Variants in RABGAP1L observed in about 807,000 individuals in gnomAD.
RABGAP1L encodes the protein RAB GTPase activating protein 1 like, also known as rab GTPase-activating protein 1-like.
A neutral mutation model predicts 137.7 loss-of-function variants in RABGAP1L; 63 were observed. The observed-to-expected ratio is 0.46, with a 90% CI of 0.37 to 0.56. RABGAP1L has a LOEUF of 0.56. Among genes scored for constraint, RABGAP1L ranks in the 20% least tolerant of loss-of-function variants. The pLI, the probability that RABGAP1L is intolerant of heterozygous loss-of-function variation, is 0.00. For synonymous variants in RABGAP1L, 431 were observed against 433.7 expected (o/e 0.99, Z 0.08); for missense variants, 1,095 against 1,244.0 (o/e 0.88, Z 1.80).
At chr1:174,188,309 A>G (rs1666959342) in intron 1 of RABGAP1L, among the ~76,000 whole-genome samples, 1 of 152,232 alleles carries the variant, frequency 6.6e-6, no homozygotes, top group South Asian at 2.1e-4. Context: ...TCTCTAACAG[A>G]AATTATTTTG....
intron 13 of RABGAP1L, among the ~76,000 whole-genome samples, chr1:174,580,456 A>T (rs1404910454): frequency 1.3e-5 from 2 of 152,212 alleles, no homozygotes; most frequent in Non-Finnish European, 2.9e-5. Context: ...CAGCCATAAA[A>T]AATGATAAGT....
At chr1:174,736,116 A>C (rs1265277387) in intron 17 of RABGAP1L, among the ~76,000 whole-genome samples, 1 of 152,178 alleles carries the variant, frequency 6.6e-6, no homozygotes, top group Non-Finnish European at 1.5e-5. Flanking sequence ...TTCCAACATT[A>C]ACTCAAAAGT....
At chr1:174,585,672 C>G (rs942566177) in intron 13 of RABGAP1L, among the ~76,000 whole-genome samples, 5 of 152,222 alleles carry the variant, frequency 3.3e-5, no homozygotes, top group Non-Finnish European at 7.3e-5. Context: ...CCCTGATGCG[C>G]TAAGCATGTG....
At chr1:174,479,000 A>G (rs141386949) in intron 13 of RABGAP1L, among the ~76,000 whole-genome samples, 1 of 152,328 alleles carries the variant, frequency 6.6e-6, no homozygotes, top group Non-Finnish European at 1.5e-5. Flanking sequence ...GTTTGCCACA[A>G]TATCCTTAAA....
Position 174,250,501 on chromosome 1 carries a change from T to G in RABGAP1L, c.744T>G (p.Cys248Trp). ...TAAGCAGAATTTTGTACAGTTTCTGTACAGCATTCAAACGTTCTTCCAGAC... is the reference window on the plus strand; with the variant it reads ...TAAGCAGAATTTTGTACAGTTTCTGGACAGCATTCAAACGTTCTTCCAGAC... Reference protein sequence around the residue: ...EAVSRILYSFCTAFKRSSRQV... With the variant: ...EAVSRILYSFWTAFKRSSRQV... The change falls in exon 6 of 26, where the codon TGT (cysteine) becomes TGG (tryptophan). Residue 248 changes from cysteine to tryptophan, a missense_variant. Cys to Trp is a radical substitution (Grantham distance 215). Coordinates refer to ENST00000681986, the MANE Select transcript of RABGAP1L (RefSeq NM_001366446.1). The G allele has an allele frequency of 6.2e-7, 1 of 1,613,470 alleles. No individual in the cohort carries two copies. Among genetic ancestry groups the G allele is most frequent in the Non-Finnish European group, 8.5e-7 (1 of 1,179,592 alleles).
intron 17 of RABGAP1L, chr1:174,705,579 T>C (rs999619684): frequency 6.6e-6 from 1 of 152,190 alleles, no homozygotes; most frequent in Non-Finnish European, 1.5e-5. Flanking sequence ...CATAGCATCA[T>C]GATGTTCGGG....
At chr1:174,751,433 G>T (rs1453828204) in intron 17 of RABGAP1L, among the ~76,000 whole-genome samples, 1 of 152,154 alleles carries the variant, frequency 6.6e-6, no homozygotes, top group Non-Finnish European at 1.5e-5. Context: ...GATGAAGAGG[G>T]CACATCAAAT....
intron 13 of RABGAP1L, among the ~76,000 whole-genome samples, chr1:174,507,499 T>G (rs190471710): frequency 2.0e-5 from 3 of 152,312 alleles, no homozygotes; most frequent in African/African-American, 7.2e-5. Context: ...CTTTTTGATA[T>G]AACTGTAATA....
intron 13 of RABGAP1L, among the ~76,000 whole-genome samples, chr1:174,491,691 A>C (rs570618748): frequency 3.3e-4 from 50 of 152,166 alleles, no homozygotes; most frequent in African/African-American, 1.1e-3. Context: ...ATTGCCTTTC[A>C]AGTTTATTTA....
chr1:174,307,307 A>G (rs768311317), intron 11 of RABGAP1L, among the ~76,000 whole-genome samples: 1 of 152,114 alleles, frequency 6.6e-6, no homozygotes, highest in Non-Finnish European at 1.5e-5. Context: ...TAAAATTCAC[A>G]TAACATGAAA....
chr1:174,628,541 CAT>C (rs776460857), intron 13 of RABGAP1L, among the ~76,000 whole-genome samples: 5 of 152,052 alleles, frequency 3.3e-5, no homozygotes, highest in Non-Finnish European at 5.9e-5. Context: ...TTTTAAGTAA[CAT>C]TATGCATTTG....
At position 174,238,482 on chromosome 1, in the gene RABGAP1L, T is replaced by C. The variant is rs139051759; in HGVS notation, c.543-3001T>C. 2.1e-3 allele frequency among the ~76,000 whole-genome samples: 321 copies of C among 152,282 alleles called. 1 individual carries two copies. Among genetic ancestry groups the C allele is most frequent in the Non-Finnish European group, 3.8e-3 (258 of 68,034 alleles). Reference sequence around the variant, plus strand: ...TCCTTTCTGTTTTTAGTTTTCCTTCTAATAGACAGGACCCTCAGCTGCAGG... The same window carrying C: ...TCCTTTCTGTTTTTAGTTTTCCTTCCAATAGACAGGACCCTCAGCTGCAGG... On this transcript the variant is annotated intron_variant, in intron 4 of 25. Coordinates refer to ENST00000681986, the MANE Select transcript of RABGAP1L (RefSeq NM_001366446.1).
At position 174,732,986 on chromosome 1, in the gene RABGAP1L, C is replaced by T. The variant is rs531704418; in HGVS notation, c.2170-19327C>T. Among the ~76,000 whole-genome samples the T allele has an allele frequency of 6.9e-4, 79 of 115,180 alleles. 1 individual carries two copies. The South Asian group carries it at 0.021, about 30-fold the overall frequency. 75.6% of individuals were successfully genotyped at this position (115,180 alleles called of 152,430 possible). A position where few individuals can be genotyped will look rare whatever the true frequency, so the allele number is the denominator to read the frequency against. On this transcript the variant is annotated intron_variant, in intron 17 of 25. Coordinates refer to ENST00000681986, the MANE Select transcript of RABGAP1L (RefSeq NM_001366446.1). The stretch of plus-strand genomic sequence containing the variant: ...TTCTAAGTGTTTTTTTATATAGTAA[C>T]TCATTTAATTCTGAAAAAAAAACCC...
chr1:174,175,073 A>G (rs1450679539), intron 1 of RABGAP1L, among the ~76,000 whole-genome samples: 3 of 152,232 alleles, frequency 2.0e-5, no homozygotes, highest in Non-Finnish European at 4.4e-5. Flanking sequence ...TAAACTTAGT[A>G]CAGTTATCAA....
At chr1:174,513,249 G>A (rs1160509639) in intron 13 of RABGAP1L, among the ~76,000 whole-genome samples, 1 of 151,976 alleles carries the variant, frequency 6.6e-6, no homozygotes, top group African/African-American at 2.4e-5. Flanking sequence ...TTATTTACTT[G>A]TATTTGGTTT....
intron 13 of RABGAP1L, among the ~76,000 whole-genome samples, chr1:174,614,321 T>C (rs1671575786): frequency 6.6e-6 from 1 of 152,344 alleles, no homozygotes; most frequent in Middle Eastern, 3.4e-3. Context: ...TTATGAAACT[T>C]AGTTTGGCTG....
At chr1:174,588,004 C>T (rs996056073) in intron 13 of RABGAP1L, among the ~76,000 whole-genome samples, 2 of 152,080 alleles carry the variant, frequency 1.3e-5, no homozygotes, top group African/African-American at 4.8e-5. Flanking sequence ...GTTGGGACTA[C>T]AGGCGTGCAC....
In RABGAP1L at chr1:174,488,358, T is replaced by C. The variant is rs187096014; in HGVS notation, c.1710+94213T>C. On this transcript the variant is annotated intron_variant, in intron 13 of 25. Coordinates refer to ENST00000681986, the MANE Select transcript of RABGAP1L (RefSeq NM_001366446.1). Reference sequence around the variant, plus strand: ...TAGCAGTTTACATATGTCATGCCACTGTCTCCTGGCCCATAAGGTTTCCAC... The same window carrying C: ...TAGCAGTTTACATATGTCATGCCACCGTCTCCTGGCCCATAAGGTTTCCAC... 2.3e-3 allele frequency among the ~76,000 whole-genome samples: 348 copies of C among 152,198 alleles called. 4 individuals carry two copies. Among genetic ancestry groups the C allele is most frequent in the Non-Finnish European group, 4.4e-4 (30 of 68,000 alleles).
At chr1:174,641,714 G>C (rs984921171) in intron 14 of RABGAP1L, among the ~76,000 whole-genome samples, 3 of 152,130 alleles carry the variant, frequency 2.0e-5, no homozygotes, top group African/African-American at 7.2e-5. Context: ...TCTGGTTCTG[G>C]TTTTGATTCT....
Sources: gnomAD v4.1 joint callset for allele counts (sites outside exome capture counted in the v4.1 genomes callset) on GRCh38, gnomAD v4.1.1 for gene constraint, MANE v1.5 for transcripts, NCBI Gene and HGNC (gene_info 2026-07-23, HGNC 2026-07-21) for gene names.